The following C1QTNF4 variants were observed in gnomAD, a reference collection of about 807,000 sequenced individuals.
C1QTNF4 encodes C1q and TNF related 4.
In C1QTNF4, 12 loss-of-function variants were observed where a neutral mutation model predicts 14.6. That is an observed-to-expected ratio of 0.82 (90% CI 0.53 to 1.33). The LOEUF (loss-of-function observed/expected upper bound fraction) is 1.33. C1QTNF4 is among the 40% of genes most tolerant of loss of function. The probability of loss-of-function intolerance (pLI) is 0.00; values close to 1 mark genes in which losing one functional copy is unlikely to be tolerated. For missense variants in C1QTNF4, 558 were observed against 500.3 expected (o/e 1.12, Z -1.10); for synonymous variants, 278 against 246.6 (o/e 1.13, Z -1.19).
upstream of C1QTNF4, among the ~76,000 whole-genome samples, chr11:47,595,090 C>T (rs2097277491): frequency 6.6e-6 from 1 of 152,068 alleles, no homozygotes; most frequent in South Asian, 2.1e-4. Context: ...TGCCCTGCCT[C>T]GCTGGGGCCA....
intron 1 of C1QTNF4, among the ~76,000 whole-genome samples, chr11:47,593,713 T>A (rs1486029784): frequency 1.3e-5 from 2 of 151,992 alleles, no homozygotes; most frequent in Non-Finnish European, 2.9e-5. Flanking sequence ...ATAGTCATCT[T>A]CAAAGAGAAA....
chr11:47,590,722 G>A lies in C1QTNF4; in HGVS notation c.89C>T (p.Ser30Leu). ...TPGPGSSELRSAFSAARTTPL... is the reference protein window; with the variant it reads ...TPGPGSSELRLAFSAARTTPL... ...GGTGGTGCGTGCCGCCGAGAAGGCC[G>A]AGCGCAGCTCAGAGGATCCCGGGCC... Residue 30 changes from serine to leucine, a missense_variant, in exon 2 of 2, where the codon TCG (serine) becomes TTG (leucine). Physicochemically the swap from Ser to Leu is moderately radical, Grantham distance 145. Coordinates refer to ENST00000302514, the MANE Select transcript of C1QTNF4 (RefSeq NM_031909.3). 16 of 1,610,076 alleles carry A rather than the reference G, an allele frequency of 9.9e-6. No homozygotes were observed. The highest frequency in any genetic ancestry group is 1.3e-5 in the Non-Finnish European group (15 of 1,178,938).
At chr11:47,592,591 C>G (rs1247877456) in intron 1 of C1QTNF4, among the ~76,000 whole-genome samples, 1 of 152,154 alleles carries the variant, frequency 6.6e-6, no homozygotes. Flanking sequence ...GTAGGGATTC[C>G]ATCCTGCTTC....
At chr11:47,591,091 T>C (rs1396974568) in intron 1 of C1QTNF4, among the ~76,000 whole-genome samples, 2 of 152,226 alleles carry the variant, frequency 1.3e-5, no homozygotes, top group Non-Finnish European at 2.9e-5. Context: ...TTTGTTTGTT[T>C]GTTTTGAGAT....
intron 1 of C1QTNF4, 94 bp from the exon 2 acceptor site, chr11:47,590,909 G>T: frequency 7.0e-7 from 1 of 1,424,444 alleles, no homozygotes; most frequent in Non-Finnish European, 9.1e-7. Flanking sequence ...TCTCTTCCCA[G>T]CCCTGCCCTT....
chr11:47,590,230 G>T lies in C1QTNF4; in HGVS notation c.581C>A (p.Pro194His). Residue 194 changes from proline to histidine, a missense_variant, in exon 2 of 2, where the codon CCC becomes CAC. By Grantham distance (77) the Pro-to-His change is moderately conservative (BLOSUM62 -2). Transcript: ENST00000302514. ...TRSLVGSDAG[P>H]GPRHQPLAFD... is the part of the protein sequence containing the mutation. The stretch of plus-strand genomic sequence containing the variant: ...GGCGAGTGGTTGGTGCCGCGGCCCG[G>T]GGCCAGCGTCCGAGCCCACCAAGCT... The T allele has an allele frequency of 6.5e-7, 1 of 1,528,606 alleles. No individual in the cohort carries two copies. 94.7% of individuals were successfully genotyped at this position (1,528,606 alleles called of 1,614,324 possible).
rs903948925 is a variant in C1QTNF4, at chr11:47,589,830, C to T, written c.981G>A (p.Glu327=). 1.9e-6 allele frequency: 3 copies of T among 1,540,736 alleles called. No individual in the cohort carries two copies. The highest frequency in any genetic ancestry group is 2.6e-6 in the Non-Finnish European group (3 of 1,141,186). ...PAAPPGLGAS[E]LL Reference sequence around the variant, plus strand: ...TTCTCTGGCCCGGGGCTCACAGTAGCTCCGAGGCCCCGAGGCCCGGCGGGG... The same window carrying T: ...TTCTCTGGCCCGGGGCTCACAGTAGTTCCGAGGCCCCGAGGCCCGGCGGGG... The change falls in exon 2 of 2, where the codon GAG becomes GAA. Residue 327 remains glutamate (E), a synonymous_variant. Transcript: ENST00000302514.
chr11:47,593,711 C>A (rs1185417807), intron 1 of C1QTNF4, among the ~76,000 whole-genome samples: 1 of 152,060 alleles, frequency 6.6e-6, no homozygotes, highest in Non-Finnish European at 1.5e-5. Flanking sequence ...AAATAGTCAT[C>A]TTCAAAGAGA....
At chr11:47,591,490 G>A (rs2097275648) in intron 1 of C1QTNF4, among the ~76,000 whole-genome samples, 2 of 149,618 alleles carry the variant, frequency 1.3e-5, no homozygotes, top group Admixed American at 1.4e-4. Flanking sequence ...CCAGGTTCAA[G>A]CGATTCTCCC....
In C1QTNF4 at chr11:47,590,271, C is replaced by T. The variant is rs750923662; in HGVS notation, c.540G>A (p.Ser180=). The T allele has an allele frequency of 4.5e-6, 6 of 1,332,326 alleles. No homozygotes were observed. In the African/African-American group the frequency reaches 7.9e-5, roughly 18 times the overall value. The allele number at this position is 1,332,326 out of a possible 1,614,324, so 82.5% of individuals were successfully genotyped here. ...PAPPEPRSAF[S]AARTRSLVGS... Reference sequence around the variant, plus strand: ...CCACCAAGCTGCGCGTGCGCGCCGCCGAGAAGGCCGAGCGCGGCTCGGGGG... The same window carrying T: ...CCACCAAGCTGCGCGTGCGCGCCGCTGAGAAGGCCGAGCGCGGCTCGGGGG... The change falls in exon 2 of 2, where the codon TCG becomes TCA. Residue 180 remains serine (S), a synonymous_variant. Coordinates refer to ENST00000302514, the MANE Select transcript of C1QTNF4 (RefSeq NM_031909.3).
chr11:47,589,851 C>T lies in C1QTNF4; in HGVS notation c.960G>A (p.Pro320=). The T allele has an allele frequency of 1.3e-6, 2 of 1,547,458 alleles. No individual in the cohort carries two copies. Among genetic ancestry groups the T allele is most frequent in the South Asian group, 1.2e-5 (1 of 84,030 alleles). ...GTAGCTCCGAGGCCCCGAGGCCCGG[C>T]GGGGCGGCGGGGGCGAGGTCGGGGT... ...LVYPDLAPAA[P]PGLGASELL The change falls in exon 2 of 2, where the codon CCG becomes CCA. Residue 320 remains proline, a synonymous_variant. Transcript: ENST00000302514.
intron 1 of C1QTNF4, among the ~76,000 whole-genome samples, chr11:47,593,892 C>G (rs1299197721): frequency 6.6e-6 from 1 of 152,086 alleles, no homozygotes; most frequent in East Asian, 1.9e-4. Context: ...GAAAGCCCCT[C>G]ATCCTTCCAA....
Position 47,590,699 on chromosome 11 carries a change from T to A in C1QTNF4, c.112A>T (p.Thr38Ser). The change falls in exon 2 of 2, where the codon ACC (threonine) becomes TCC (serine). Residue 38 changes from threonine to serine, a missense_variant. Coordinates refer to ENST00000302514, the MANE Select transcript of C1QTNF4 (RefSeq NM_031909.3). ...LRSAFSAART[T>S]PLEGTSEMAV... ...ATCTCCGACGTGCCCTCCAGGGGGG[T>A]GGTGCGTGCCGCCGAGAAGGCCGAG... 1.9e-6 allele frequency: 3 copies of A among 1,605,178 alleles called. No individual in the cohort carries two copies. The highest frequency in any genetic ancestry group is 2.5e-6 in the Non-Finnish European group (3 of 1,177,126).
chr11:47,593,373 A>G (rs2097276529), intron 1 of C1QTNF4, among the ~76,000 whole-genome samples: 1 of 152,160 alleles, frequency 6.6e-6, no homozygotes, highest in African/African-American at 2.4e-5. Context: ...AAGCAAACAC[A>G]TTCTCTAGTG....
Position 47,589,999 on chromosome 11 carries a change from C to G in C1QTNF4, c.812G>C (p.Ser271Thr). ...CCGCAGGGCCAGCATCACGCTCTGG[C>G]TCTGCATCTCGCGGCGCCGCGACGC... is the stretch of plus-strand genomic sequence containing the variant. ...DGASRRREMQ[S>T]QSVMLALRRG... The change falls in exon 2 of 2, where the codon AGC (serine) becomes ACC (threonine). Residue 271 changes from serine to threonine, a missense_variant. By Grantham distance (58) the Ser-to-Thr change is moderately conservative (BLOSUM62 1). Coordinates refer to ENST00000302514, the MANE Select transcript of C1QTNF4 (RefSeq NM_031909.3). 2 of 1,611,658 alleles carry G rather than the reference C, an allele frequency of 1.2e-6. No individual in the cohort carries two copies. The highest frequency in any genetic ancestry group is 1.7e-6 in the Non-Finnish European group (2 of 1,178,502).
chr11:47,594,789 G>A (rs906350098), upstream of C1QTNF4: 3 of 152,238 alleles, frequency 2.0e-5, no homozygotes, highest in African/African-American at 4.8e-5. Flanking sequence ...GAGGTCTGAA[G>A]GAAGAGAAGG....
At position 47,594,133 on chromosome 11, in the gene C1QTNF4, C is replaced by G. The variant is rs1328909584; in HGVS notation, c.-6+15G>C. 6.6e-6 allele frequency: 1 copy of G among 152,192 alleles called. No individual in the cohort carries two copies. Among genetic ancestry groups the G allele is most frequent in the African/African-American group, 2.4e-5 (1 of 41,454 alleles). The allele number at this position is 152,192 out of a possible 1,614,324, so 9.4% of individuals were successfully genotyped here. On this transcript the variant is annotated intron_variant, in intron 1 of 1. Coordinates refer to ENST00000302514, the MANE Select transcript of C1QTNF4 (RefSeq NM_031909.3). The stretch of plus-strand genomic sequence containing the variant: ...GGGGAACCTCGGCTCCCTGCCTCCC[C>G]TCAGCTGCCCTCACCTGGCTGGGGG...
chr11:47,589,963 GC>G lies in C1QTNF4; in HGVS notation c.847del (p.Ala283ProfsTer87). 6.2e-7 allele frequency: 1 copy of G among 1,610,544 alleles called. No individual in the cohort carries two copies. The highest frequency in any genetic ancestry group is 8.5e-7 in the Non-Finnish European group (1 of 1,178,180). On this transcript the variant is annotated frameshift_variant, in exon 2 of 2. Coordinates refer to ENST00000302514, the MANE Select transcript of C1QTNF4 (RefSeq NM_031909.3). LOFTEE classifies it high-confidence loss of function. ...SVMLALRRGD[A>X]VWLLSHDHDG... ...GTGGTCGTGGCTGAGCAGCCAGACGGCGTCGCCGCGCCGCAGGGCCAGCATC... is the reference window on the plus strand; with the variant it reads ...GTGGTCGTGGCTGAGCAGCCAGACGGGTCGCCGCGCCGCAGGGCCAGCATC...
Position 47,590,252 on chromosome 11 carries a change from A to C in C1QTNF4, c.559T>G (p.Leu187Val). ...SAFSAARTRS[L>V]VGSDAGPGPR... ...CCGGGGCCAGCGTCCGAGCCCACCA[A>C]GCTGCGCGTGCGCGCCGCCGAGAAG... The change falls in exon 2 of 2, where the codon TTG becomes GTG. Residue 187 changes from leucine (L) to valine (V), a missense_variant. Transcript: ENST00000302514. 2 of 1,455,424 alleles carry C rather than the reference A, an allele frequency of 1.4e-6. No individual in the cohort carries two copies. The highest frequency in any genetic ancestry group is 2.5e-5 in the East Asian group (1 of 39,784). 90.2% of individuals were successfully genotyped at this position (1,455,424 alleles called of 1,614,324 possible). A position where few individuals can be genotyped will look rare whatever the true frequency, so the allele number is the denominator to read the frequency against.
Sources: gnomAD v4.1 joint callset for allele counts (sites outside exome capture counted in the v4.1 genomes callset) on GRCh38, gnomAD v4.1.1 for gene constraint, MANE v1.5 for transcripts, NCBI Gene and HGNC (gene_info 2026-07-23, HGNC 2026-07-21) for gene names.